Variants in CLOCK observed in about 807,000 individuals in gnomAD.
CLOCK encodes the protein clock circadian regulator, also known as circadian locomoter output cycles protein kaput.
In CLOCK, 43 loss-of-function variants were observed where a neutral mutation model predicts 118.4. That is an observed-to-expected ratio of 0.36 (90% CI 0.28 to 0.47). CLOCK has a LOEUF of 0.47. CLOCK is among the 20% of genes least tolerant of loss of function. CLOCK has a pLI of 1.00. For missense variants in CLOCK, 846 were observed against 999.9 expected (o/e 0.85, Z 2.08); for synonymous variants, 326 against 339.2 (o/e 0.96, Z 0.43).
chr4:55,481,323 T>TA (rs1174914067), intron 4 of CLOCK, among the ~76,000 whole-genome samples: 1 of 152,182 alleles, frequency 6.6e-6, no homozygotes, highest in Non-Finnish European at 1.5e-5. Context: ...ACAGAGTTCA[T>TA]AACTTCCATG....
At chr4:55,493,718 T>C (rs911171382) in intron 2 of CLOCK, among the ~76,000 whole-genome samples, 19 of 152,310 alleles carry the variant, frequency 1.2e-4, no homozygotes, top group African/African-American at 4.1e-4. Flanking sequence ...ATATAAGATA[T>C]TGGCAAAATA....
At chr4:55,478,283 AC>A (rs1726669522) in intron 6 of CLOCK, among the ~76,000 whole-genome samples, 1 of 152,048 alleles carries the variant, frequency 6.6e-6, no homozygotes. Flanking sequence ...ATACATTGAA[AC>A]CTTTTAAAAT....
intron 22 of CLOCK, among the ~76,000 whole-genome samples, 193 bp downstream of exon 22, chr4:55,438,089 G>A (rs574907293): frequency 2.6e-5 from 4 of 152,282 alleles, no homozygotes; most frequent in Non-Finnish European, 5.9e-5. Context: ...CACGTCTAAA[G>A]TCTTCCAACG....
At chr4:55,487,976 T>C (rs1303251695) in intron 3 of CLOCK, among the ~76,000 whole-genome samples, 1 of 152,200 alleles carries the variant, frequency 6.6e-6, no homozygotes, top group African/African-American at 2.4e-5. Context: ...TAAAATTTAA[T>C]TGTATTGTTT....
At chr4:55,450,346 G>A (rs1724318756) in intron 15 of CLOCK, 114 bp from the exon 16 acceptor site, 2 of 1,120,884 alleles carry the variant, frequency 1.8e-6, no homozygotes, top group African/African-American at 1.5e-5. Flanking sequence ...CAAGGCAAAA[G>A]TACCTGTATG....
intron 1 of CLOCK, among the ~76,000 whole-genome samples, chr4:55,542,184 A>C (rs1213754772): frequency 6.6e-6 from 1 of 151,560 alleles, no homozygotes; most frequent in East Asian, 1.9e-4. Flanking sequence ...TCTACTAAAA[A>C]TACAAAAATT....
intron 19 of CLOCK, 149 bp downstream of exon 19, chr4:55,444,481 AATC>A (rs1723627113): frequency 2.3e-6 from 2 of 866,952 alleles, no homozygotes; most frequent in Non-Finnish European, 3.7e-6. Context: ...CTGTAAGTAT[AATC>A]ATACTGAGTA....
At chr4:55,453,300 T>C (rs1577707734) in intron 14 of CLOCK, 171 bp from the exon 15 acceptor site, 1 of 604,234 alleles carries the variant, frequency 1.7e-6, no homozygotes, top group East Asian at 2.9e-5. Context: ...CTTGCATTTT[T>C]CTAGGTATCT....
chr4:55,475,204 G>T (rs76370196), intron 7 of CLOCK, among the ~76,000 whole-genome samples: 2 of 152,160 alleles, frequency 1.3e-5, no homozygotes, highest in East Asian at 3.8e-4. Context: ...CAAGATGTCA[G>T]TGAAGGAAGT....
At chr4:55,540,905 CTT>C (rs1331939107) in intron 1 of CLOCK, 1 of 152,146 alleles carries the variant, frequency 6.6e-6, no homozygotes, top group African/African-American at 2.4e-5. Flanking sequence ...GAAAAAGAAA[CTT>C]AATCGTCGTC....
intron 2 of CLOCK, among the ~76,000 whole-genome samples, chr4:55,497,702 C>G (rs2109976199): frequency 6.6e-6 from 1 of 152,268 alleles, no homozygotes; most frequent in South Asian, 2.1e-4. Context: ...TCAACTGTAA[C>G]TAAAGTCTAA....
intron 1 of CLOCK, among the ~76,000 whole-genome samples, chr4:55,518,308 A>G (rs73819627): frequency 0.021 from 3,160 of 152,286 alleles, 103 homozygotes; most frequent in African/African-American, 0.071. Flanking sequence ...GTAAATGCAG[A>G]GGAGAGAGGA....
At chr4:55,524,611 T>C (rs1363536194) in intron 1 of CLOCK, among the ~76,000 whole-genome samples, 1 of 152,236 alleles carries the variant, frequency 6.6e-6, no homozygotes, top group Non-Finnish European at 1.5e-5. Context: ...TTTACTTTTT[T>C]ATTTTAAATT....
intron 1 of CLOCK, among the ~76,000 whole-genome samples, chr4:55,542,169 CG>C (rs1731309098): frequency 7.9e-6 from 1 of 127,346 alleles, no homozygotes; most frequent in Admixed American, 9.0e-5. Context: ...GGAGAAACAC[CG>C]TTGTCTACTA....
chr4:55,542,730 T>C (rs763721965), intron 1 of CLOCK, among the ~76,000 whole-genome samples: 1 of 152,110 alleles, frequency 6.6e-6, no homozygotes, highest in Non-Finnish European at 1.5e-5. Flanking sequence ...TCCAAGTCAG[T>C]ATCAGTGTCC....
chr4:55,444,874 A>G (rs1189171705), intron 18 of CLOCK, 89 bp from the exon 19 acceptor site: 6 of 1,326,294 alleles, frequency 4.5e-6, no homozygotes, highest in Non-Finnish European at 6.3e-6. Flanking sequence ...GCAGTATAAC[A>G]TGAGTGAAGG....
intron 2 of CLOCK, among the ~76,000 whole-genome samples, chr4:55,492,295 C>A (rs1336213333): frequency 6.7e-6 from 1 of 149,114 alleles, no homozygotes; most frequent in Non-Finnish European, 1.5e-5. Flanking sequence ...GGATAAAAAT[C>A]GTATGAGGGA....
At chr4:55,454,853 C>A (rs923575702) in intron 13 of CLOCK, among the ~76,000 whole-genome samples, 2 of 146,822 alleles carry the variant, frequency 1.4e-5, no homozygotes, top group African/African-American at 5.0e-5. Flanking sequence ...TCTGTCCCCC[C>A]ACCCCCCAAC....
Position 55,458,793 on chromosome 4 carries a change from T to G in CLOCK, c.792+99A>C, listed in dbSNP as rs1486367237. ...CAAAAATATTATCATGCATATTTAA[T>G]GACTCATAGCCATTCCACCTCAATG... On this transcript the variant is annotated intron_variant, in intron 11 of 22. Coordinates refer to ENST00000513440, the MANE Select transcript of CLOCK (RefSeq NM_004898.4). The G allele has an allele frequency of 7.7e-6, 6 of 781,502 alleles. No individual in the cohort carries two copies. In the East Asian group the frequency reaches 1.5e-4, roughly 20 times the overall value. The allele number at this position is 781,502 out of a possible 1,614,324, so 48.4% of individuals were successfully genotyped here. A position where few individuals can be genotyped will look rare whatever the true frequency, so the allele number is the denominator to read the frequency against.
Sources: allele counts gnomAD v4.1 joint callset (sites outside exome capture counted in the v4.1 genomes callset), GRCh38; gene constraint gnomAD v4.1.1; transcripts MANE v1.5; gene names NCBI Gene and HGNC (gene_info 2026-07-23, HGNC 2026-07-21).